Variants in PPM1E observed in about 807,000 individuals in gnomAD.
The protein encoded by PPM1E is protein phosphatase 1E.
In PPM1E, 20 loss-of-function variants were observed where a neutral mutation model predicts 65.9. The observed-to-expected ratio is 0.30, with a 90% CI of 0.21 to 0.44. The LOEUF (loss-of-function observed/expected upper bound fraction) is 0.44, where lower values mean the gene tolerates loss of function less well. Among genes scored for constraint, PPM1E ranks in the 20% least tolerant of loss-of-function variants. The probability of loss-of-function intolerance (pLI) is 1.00; values close to 1 mark genes in which losing one functional copy is unlikely to be tolerated. For missense variants in PPM1E, 713 were observed against 953.1 expected, an observed-to-expected ratio of 0.75 and a Z score of 3.32; for synonymous variants, 352 against 374.9, an observed-to-expected ratio of 0.94 and a Z score of 0.70.
chr17:58,903,056 C>T (rs1222726101), intron 1 of PPM1E, among the ~76,000 whole-genome samples: 2 of 152,114 alleles, frequency 1.3e-5, no homozygotes, highest in Non-Finnish European at 2.9e-5. Context: ...AAGAGTAGCG[C>T]AAAAACCTAA....
chr17:58,930,961 C>T (rs553991298), intron 1 of PPM1E, among the ~76,000 whole-genome samples: 26 of 151,428 alleles, frequency 1.7e-4, no homozygotes, highest in South Asian at 8.3e-4. Context: ...AGCCTGTAAT[C>T]CCAGCACTTT....
chr17:58,802,196 A>G (rs541821072), intron 1 of PPM1E, among the ~76,000 whole-genome samples: 10 of 152,260 alleles, frequency 6.6e-5, no homozygotes, highest in African/African-American at 2.4e-4. Flanking sequence ...ATCCATTTTG[A>G]GTAGATTTTT....
intron 1 of PPM1E, among the ~76,000 whole-genome samples, chr17:58,898,199 C>G (rs2051448074): frequency 6.6e-6 from 1 of 150,728 alleles, no homozygotes; most frequent in Admixed American, 6.6e-5. Context: ...TTGCAGTGAG[C>G]TGAGATTGTG....
chr17:58,967,515 T>TAGAG (rs1455637689), intron 3 of PPM1E, among the ~76,000 whole-genome samples: 37 of 149,108 alleles, frequency 2.5e-4, no homozygotes, highest in African/African-American at 9.0e-4. Flanking sequence ...TATATATATA[T>TAGAG]ATATAGAGAG....
chr17:58,861,933 AAATAC>A (rs1169549379), intron 1 of PPM1E, among the ~76,000 whole-genome samples: 1 of 152,154 alleles, frequency 6.6e-6, no homozygotes, highest in Admixed American at 6.5e-5. Flanking sequence ...TTTAAAAAAA[AAATAC>A]ATAAATAAAT....
chr17:58,851,681 G>T (rs142129453), intron 1 of PPM1E, among the ~76,000 whole-genome samples: 2 of 152,220 alleles, frequency 1.3e-5, no homozygotes, highest in East Asian at 1.9e-4. Context: ...TGAGATGTCA[G>T]TTGGCCCCTA....
Position 58,831,838 on chromosome 17 carries a change from C to A in PPM1E, c.464+75377C>A, listed in dbSNP as rs141559714. Among the ~76,000 whole-genome samples, 101 of 152,242 alleles carry A rather than the reference C, an allele frequency of 6.6e-4. 1 individual carries two copies. The highest frequency in any genetic ancestry group is 2.4e-3 in the African/African-American group (100 of 41,546). Reference sequence around the variant, plus strand: ...CTACTATCATTTCTTCCATGTCTTTCTGTTATTTTAATTTCACATTTCAGG... The same window carrying A: ...CTACTATCATTTCTTCCATGTCTTTATGTTATTTTAATTTCACATTTCAGG... On this transcript the variant is annotated intron_variant, in intron 1 of 6. Coordinates refer to ENST00000308249, the MANE Select transcript of PPM1E (RefSeq NM_014906.5).
intron 1 of PPM1E, among the ~76,000 whole-genome samples, chr17:58,937,892 A>AAAAAG (rs57965915): frequency 6.9e-5 from 9 of 129,768 alleles, no homozygotes; most frequent in East Asian, 2.2e-4. Context: ...AAAAAAAAAA[A>AAAAAG]AAAGAAAGAA....
intron 1 of PPM1E, chr17:58,897,645 G>A (rs1479738921): frequency 6.6e-6 from 1 of 152,100 alleles, no homozygotes; most frequent in Non-Finnish European, 1.5e-5. Flanking sequence ...AATGGATATA[G>A]GCAAATACGT....
rs190391485 is a variant in PPM1E, at chr17:58,976,551, C to G, written c.1211-3423C>G. ...AAAATGAAAAGGTTTTCAACAGTTT[C>G]TCCCCATGAGCCCTTCAGATTTATG... On this transcript the variant is annotated intron_variant, in intron 6 of 6. Transcript: ENST00000308249. Among the ~76,000 whole-genome samples the G allele has an allele frequency of 3.5e-4, 53 of 152,342 alleles. 1 individual carries two copies. In the East Asian group the frequency reaches 0.01, roughly 29 times the overall value.
intron 1 of PPM1E, among the ~76,000 whole-genome samples, chr17:58,875,677 C>T (rs1299254957): frequency 1.3e-5 from 2 of 152,066 alleles, no homozygotes; most frequent in Non-Finnish European, 2.9e-5. Context: ...GTTTTAAATA[C>T]TCCTGTGATT....
intron 1 of PPM1E, among the ~76,000 whole-genome samples, chr17:58,790,047 T>A (rs1222970195): frequency 2.0e-5 from 3 of 152,174 alleles, no homozygotes; most frequent in Non-Finnish European, 4.4e-5. Context: ...TTGCATTTAT[T>A]GAGGGCTTAC....
rs193134630 is a variant in PPM1E at position 58,821,865 on chromosome 17, C to T, written c.464+65404C>T. On this transcript the variant is annotated intron_variant, in intron 1 of 6. Transcript: ENST00000308249. ...AACTGTCCTTTCCCAAATTTCTCCC[C>T]CATCTTGTCTAAAATGACCAATTAT... Among the ~76,000 whole-genome samples the T allele has an allele frequency of 6.6e-5, 10 of 152,268 alleles. No homozygotes were observed. The East Asian group carries it at 1.7e-3, about 26-fold the overall frequency.
chr17:58,888,362 C>CTTTTTT (rs71367642), intron 1 of PPM1E, among the ~76,000 whole-genome samples: 16 of 104,484 alleles, frequency 1.5e-4, no homozygotes, highest in African/African-American at 3.4e-4. Flanking sequence ...ACTCTTCTCT[C>CTTTTTT]TTTTTTTTTT....
intron 1 of PPM1E, among the ~76,000 whole-genome samples, chr17:58,821,446 G>A (rs891993276): frequency 1.3e-5 from 2 of 152,124 alleles, no homozygotes; most frequent in Admixed American, 6.6e-5. Context: ...AGAGGAGATA[G>A]GAGTTTACTA....
chr17:58,794,640 A>G (rs939724173), intron 1 of PPM1E, among the ~76,000 whole-genome samples: 3 of 151,936 alleles, frequency 2.0e-5, no homozygotes, highest in Non-Finnish European at 2.9e-5. Context: ...TTTAACTCCC[A>G]CTTATAAGTG....
In PPM1E at chr17:58,961,219, A is replaced by G. The variant is rs140822257; in HGVS notation, c.584-4475A>G. Among the ~76,000 whole-genome samples, 165 of 152,388 alleles carry G rather than the reference A, an allele frequency of 1.1e-3. 1 individual carries two copies. Among genetic ancestry groups the G allele is most frequent in the African/African-American group, 3.7e-3 (155 of 41,598 alleles). On this transcript the variant is annotated intron_variant, in intron 2 of 6. Coordinates refer to ENST00000308249, the MANE Select transcript of PPM1E (RefSeq NM_014906.5). ...AGATGAGTGAAGCAGAACACAATCA[A>G]GAAGCATATAAATGTTTAATATTTT... is the stretch of plus-strand genomic sequence containing the variant.
At chr17:58,860,483 CT>C (rs539915592) in intron 1 of PPM1E, among the ~76,000 whole-genome samples, 360 of 152,256 alleles carry the variant, frequency 2.4e-3, no homozygotes, top group Non-Finnish European at 3.2e-3. Flanking sequence ...CAGTTTGCTC[CT>C]TTTGTTCTCA....
intron 1 of PPM1E, among the ~76,000 whole-genome samples, chr17:58,840,315 A>G (rs2050705945): frequency 6.6e-6 from 1 of 152,206 alleles, no homozygotes; most frequent in Non-Finnish European, 1.5e-5. Flanking sequence ...CAGATACCAC[A>G]TGGCTCAAAA....
Sources: allele counts gnomAD v4.1 joint callset (sites outside exome capture counted in the v4.1 genomes callset), GRCh38; gene constraint gnomAD v4.1.1; transcripts MANE v1.5; gene names NCBI Gene and HGNC (gene_info 2026-07-23, HGNC 2026-07-21).